The following HS6ST3 variants were observed in gnomAD, a reference collection of about 807,000 sequenced individuals.
HS6ST3 encodes heparan-sulfate 6-O-sulfotransferase 3.
In HS6ST3, 12 loss-of-function variants were observed where a neutral mutation model predicts 36.7. The ratio of observed to expected loss-of-function variants is 0.33; its 90% confidence interval spans 0.21 to 0.53. The LOEUF (loss-of-function observed/expected upper bound fraction) is 0.53. Among genes scored for constraint, HS6ST3 ranks in the 20% least tolerant of loss-of-function variants. HS6ST3 has a pLI of 0.95. For missense variants in HS6ST3, 584 were observed against 640.9 expected, an observed-to-expected ratio of 0.91 and a Z score of 0.96; for synonymous variants, 240 against 257.5, an observed-to-expected ratio of 0.93 and a Z score of 0.65.
intron 1 of HS6ST3, among the ~76,000 whole-genome samples, chr13:96,631,903 C>T (rs1275002627): frequency 6.6e-6 from 1 of 152,166 alleles, no homozygotes; most frequent in Non-Finnish European, 1.5e-5. Context: ...GAAGAACTGC[C>T]ATTTGTCAAG....
chr13:96,208,516 T>A (rs2054383112), intron 1 of HS6ST3, among the ~76,000 whole-genome samples: 1 of 152,204 alleles, frequency 6.6e-6, no homozygotes, highest in Non-Finnish European at 1.5e-5. Context: ...AGGGTTCAAC[T>A]GATTCTTTAG....
chr13:96,220,662 CTG>C (rs754004662), intron 1 of HS6ST3, among the ~76,000 whole-genome samples: 6 of 152,166 alleles, frequency 3.9e-5, no homozygotes, highest in Non-Finnish European at 8.8e-5. Context: ...CCTAATAAAT[CTG>C]TGACATTTTA....
intron 1 of HS6ST3, among the ~76,000 whole-genome samples, chr13:96,449,218 T>C (rs1179972170): frequency 1.3e-5 from 2 of 152,160 alleles, no homozygotes; most frequent in Admixed American, 1.3e-4. Flanking sequence ...CTCCTTGGCC[T>C]CCCAAAATGC....
chr13:96,327,935 T>G (rs945895333), intron 1 of HS6ST3, among the ~76,000 whole-genome samples: 3 of 138,512 alleles, frequency 2.2e-5, no homozygotes, highest in African/African-American at 8.2e-5. Flanking sequence ...TTATTCTCTT[T>G]GAAGCAATTG....
At chr13:96,490,196 TA>T (rs1277234322) in intron 1 of HS6ST3, among the ~76,000 whole-genome samples, 2 of 152,196 alleles carry the variant, frequency 1.3e-5, no homozygotes, top group Non-Finnish European at 2.9e-5. Flanking sequence ...CAGCTGAGTT[TA>T]ATTCTATAGG....
At chr13:96,412,865 A>T (rs962789048) in intron 1 of HS6ST3, among the ~76,000 whole-genome samples, 8 of 150,372 alleles carry the variant, frequency 5.3e-5, no homozygotes, top group African/African-American at 1.9e-4. Flanking sequence ...TTATATATAA[A>T]AACATATATA....
chr13:96,268,318 A>T (rs763826048), intron 1 of HS6ST3, among the ~76,000 whole-genome samples: 7 of 151,970 alleles, frequency 4.6e-5, no homozygotes, highest in Non-Finnish European at 7.3e-5. Context: ...GAAACTTACA[A>T]TCACGGCAGG....
In HS6ST3 at chr13:96,358,637, TAAAAA is replaced by T. The variant is rs528694900; in HGVS notation, c.707+267069_707+267073del. On this transcript the variant is annotated intron_variant, in intron 1 of 1. Transcript: ENST00000376705. ...TGGAGTTCGGATAGTGGGTTAAAAA[TAAAAA>T]GAAAAGAGAGAAAACTATAAATGAT... Among the ~76,000 whole-genome samples, 205 of 152,086 alleles carry T rather than the reference TAAAAA, an allele frequency of 1.3e-3. 1 individual carries two copies. The highest frequency in any genetic ancestry group is 4.7e-3 in the African/African-American group (193 of 41,498).
chr13:96,289,376 G>T (rs1390739275), intron 1 of HS6ST3, among the ~76,000 whole-genome samples: 1 of 152,138 alleles, frequency 6.6e-6, no homozygotes, highest in East Asian at 1.9e-4. Context: ...TGTTGTGTGG[G>T]AATAGAGCAA....
In HS6ST3 at chr13:96,716,642, AATC is replaced by A. The variant is rs776458251; in HGVS notation, c.708-115841_708-115839del. Among the ~76,000 whole-genome samples the A allele has an allele frequency of 1.6e-3, 240 of 152,288 alleles. 1 individual carries two copies. The highest frequency in any genetic ancestry group is 2.5e-3 in the Non-Finnish European group (169 of 68,014). On this transcript the variant is annotated intron_variant, in intron 1 of 1. Coordinates refer to ENST00000376705, the MANE Select transcript of HS6ST3 (RefSeq NM_153456.4). ...TCTATCATCTACCTATCATTTAATC[AATC>A]ATCATCTATCATCTGTCATTTCTCT...
At chr13:96,793,219 G>A (rs1227042212) in intron 1 of HS6ST3, among the ~76,000 whole-genome samples, 1 of 151,992 alleles carries the variant, frequency 6.6e-6, no homozygotes, top group Non-Finnish European at 1.5e-5. Flanking sequence ...CACTCCGACA[G>A]GCTGTACTGA....
intron 1 of HS6ST3, among the ~76,000 whole-genome samples, chr13:96,572,100 AC>A (rs1247801923): frequency 6.6e-6 from 1 of 152,208 alleles, no homozygotes; most frequent in Non-Finnish European, 1.5e-5. Flanking sequence ...GAATCAGAAG[AC>A]CTGGGTTCTA....
intron 1 of HS6ST3, among the ~76,000 whole-genome samples, chr13:96,679,118 T>C (rs1269344118): frequency 6.7e-6 from 1 of 148,352 alleles, no homozygotes; most frequent in Non-Finnish European, 1.5e-5. Flanking sequence ...CACCCTCCCC[T>C]ATCTAGTTTG....
chr13:96,404,480 A>G (rs542064439), intron 1 of HS6ST3, among the ~76,000 whole-genome samples: 1 of 152,278 alleles, frequency 6.6e-6, no homozygotes, highest in South Asian at 2.1e-4. Flanking sequence ...ATATTTCTGA[A>G]CCTTTTGTTG....
Position 96,464,552 on chromosome 13 carries a change from T to C in HS6ST3, c.708-367938T>C, listed in dbSNP as rs867104386. On this transcript the variant is annotated intron_variant, in intron 1 of 1. Coordinates refer to ENST00000376705, the MANE Select transcript of HS6ST3 (RefSeq NM_153456.4). The stretch of plus-strand genomic sequence containing the variant: ...ATGTTCATAGCATCAAAGTTTGTAA[T>C]TGCTAAAAAGTGGAAACAAACTTAC... 2.6e-5 allele frequency among the ~76,000 whole-genome samples: 4 copies of C among 152,084 alleles called. No homozygotes were observed. In the South Asian group the frequency reaches 6.2e-4, roughly 24 times the overall value.
At position 96,331,783 on chromosome 13, in the gene HS6ST3, G is replaced by A. The variant is rs1368520342; in HGVS notation, c.707+240214G>A. ...TGGCGGGCGCCCCTCCCCCAGCCTC[G>A]CTGCCGCCTTGCAGTTTGATCTCAG... On this transcript the variant is annotated intron_variant, in intron 1 of 1. Transcript: ENST00000376705. Among the ~76,000 whole-genome samples, 9 of 151,908 alleles carry A rather than the reference G, an allele frequency of 5.9e-5. No homozygotes were observed. The East Asian group carries it at 9.7e-4, about 16-fold the overall frequency.
chr13:96,125,943 A>G (rs945022851), intron 1 of HS6ST3, among the ~76,000 whole-genome samples: 1 of 148,694 alleles, frequency 6.7e-6, no homozygotes, highest in Non-Finnish European at 1.5e-5. Flanking sequence ...CCCCTACCCC[A>G]CAACAGTCCC....
chr13:96,804,038 A>G (rs978294993), intron 1 of HS6ST3, among the ~76,000 whole-genome samples: 5 of 152,210 alleles, frequency 3.3e-5, no homozygotes, highest in East Asian at 1.9e-4. Context: ...GGACTTGGAC[A>G]GGGATCTGGG....
At position 96,163,597 on chromosome 13, in the gene HS6ST3, G is replaced by T. The variant is rs2054147714; in HGVS notation, c.707+72028G>T. On this transcript the variant is annotated intron_variant, in intron 1 of 1. Coordinates refer to ENST00000376705, the MANE Select transcript of HS6ST3 (RefSeq NM_153456.4). ...TCTTTGGTGCCTGTCCAGGTGGTAT[G>T]TTGAACTATAGTGCTCTGTGAAGAA... Among the ~76,000 whole-genome samples, 6 of 152,154 alleles carry T rather than the reference G, an allele frequency of 3.9e-5. No homozygotes were observed. The South Asian group carries it at 1.2e-3, about 32-fold the overall frequency.
Sources: gnomAD v4.1 joint callset for allele counts (sites outside exome capture counted in the v4.1 genomes callset) on GRCh38, gnomAD v4.1.1 for gene constraint, MANE v1.5 for transcripts, NCBI Gene and HGNC (gene_info 2026-07-23, HGNC 2026-07-21) for gene names.